LUZP2: variants seen among roughly 807,000 people sequenced by gnomAD.
LUZP2 encodes the protein leucine zipper protein 2.
Under a neutral mutation model 51.6 loss-of-function variants are expected in LUZP2, and 52 were observed. That is an observed-to-expected ratio of 1.01 (90% confidence interval 0.81 to 1.27). The LOEUF is 1.27. LUZP2 is among the 50% of genes most tolerant of loss of function. The probability of loss-of-function intolerance (pLI) is 0.00; values close to 1 mark genes in which losing one functional copy is unlikely to be tolerated. For missense variants in LUZP2, 436 were observed against 395.4 expected (o/e 1.10, Z -0.87); for synonymous variants, 154 against 137.3 (o/e 1.12, Z -0.85).
At chr11:24,979,836 A>G (rs551797481) in intron 8 of LUZP2, among the ~76,000 whole-genome samples, 63 of 151,854 alleles carry the variant, frequency 4.1e-4, no homozygotes, top group Admixed American at 7.9e-4. Context: ...CAGATGACAT[A>G]GGTAGGGTAA....
intron 4 of LUZP2, among the ~76,000 whole-genome samples, chr11:24,747,303 G>A (rs1249212201): frequency 6.6e-6 from 1 of 152,118 alleles, no homozygotes; most frequent in South Asian, 2.1e-4. Flanking sequence ...TAGCTGCAGT[G>A]ATTGTGATCT....
chr11:24,978,004 A>G (rs1298722717), intron 8 of LUZP2, among the ~76,000 whole-genome samples: 1 of 151,610 alleles, frequency 6.6e-6, no homozygotes. Context: ...TTGCAATTAT[A>G]AACTTATTTT....
chr11:25,077,863 T>C (rs1859359752), intron 11 of LUZP2, among the ~76,000 whole-genome samples: 1 of 152,146 alleles, frequency 6.6e-6, no homozygotes, highest in Non-Finnish European at 1.5e-5. Context: ...TTGCTAGTAC[T>C]ATATGTAAAG....
At chr11:24,509,010 C>T (rs1185516330) in intron 1 of LUZP2, among the ~76,000 whole-genome samples, 1 of 151,996 alleles carries the variant, frequency 6.6e-6, no homozygotes, top group Non-Finnish European at 1.5e-5. Flanking sequence ...GGAAGTAACT[C>T]AGAAACTAAG....
chr11:24,654,665 C>G (rs1050724361), intron 1 of LUZP2, among the ~76,000 whole-genome samples: 1 of 110,958 alleles, frequency 9.0e-6, no homozygotes, highest in Non-Finnish European at 1.7e-5. Context: ...GCTGGGATTA[C>G]AGGCGTGCAC....
intron 1 of LUZP2, among the ~76,000 whole-genome samples, chr11:24,593,047 T>C (rs1853313389): frequency 1.3e-5 from 2 of 151,800 alleles, no homozygotes; most frequent in South Asian, 4.1e-4. Flanking sequence ...CCATACACTA[T>C]ACCTGCAATA....
chr11:24,501,461 G>A (rs181960784), intron 1 of LUZP2, among the ~76,000 whole-genome samples: 7 of 152,276 alleles, frequency 4.6e-5, no homozygotes, highest in African/African-American at 9.6e-5. Context: ...TGAGGAATGC[G>A]TGGTTCTAAT....
intron 1 of LUZP2, among the ~76,000 whole-genome samples, chr11:24,707,677 G>A (rs1460758993): frequency 1.3e-5 from 2 of 152,138 alleles, no homozygotes; most frequent in East Asian, 1.9e-4. Context: ...CAAAAAAAGA[G>A]AGTGAATTTG....
At chr11:25,021,230 G>T (rs1287026619) in intron 9 of LUZP2, among the ~76,000 whole-genome samples, 1 of 151,768 alleles carries the variant, frequency 6.6e-6, no homozygotes, top group East Asian at 1.9e-4. Context: ...TGATGGGCAA[G>T]CATTCTCTCA....
intron 9 of LUZP2, among the ~76,000 whole-genome samples, chr11:24,996,523 T>C (rs977229519): frequency 6.6e-5 from 10 of 151,814 alleles, no homozygotes; most frequent in African/African-American, 2.2e-4. Flanking sequence ...GTGCAACTTC[T>C]AAGAATTCTC....
intron 1 of LUZP2, among the ~76,000 whole-genome samples, chr11:24,663,411 C>T (rs1172191583): frequency 2.0e-5 from 3 of 152,136 alleles, no homozygotes; most frequent in Admixed American, 2.0e-4. Context: ...ACCATGCTTC[C>T]TGTATAGCCT....
At chr11:24,535,903 TG>T (rs1035482329) in intron 1 of LUZP2, among the ~76,000 whole-genome samples, 9 of 151,680 alleles carry the variant, frequency 5.9e-5, no homozygotes, top group African/African-American at 1.7e-4. Flanking sequence ...TCTTATAAAA[TG>T]TTTTTTTTAA....
chr11:24,871,440 G>C (rs1230803451), intron 5 of LUZP2, among the ~76,000 whole-genome samples: 1 of 151,906 alleles, frequency 6.6e-6, no homozygotes, highest in Non-Finnish European at 1.5e-5. Flanking sequence ...ATATTTACCT[G>C]ATTCCAGAAA....
intron 1 of LUZP2, among the ~76,000 whole-genome samples, chr11:24,648,914 C>A (rs1334735590): frequency 6.6e-6 from 1 of 151,884 alleles, no homozygotes; most frequent in South Asian, 2.1e-4. Flanking sequence ...TCTTTAATGA[C>A]CCCTCTAAAT....
intron 1 of LUZP2, among the ~76,000 whole-genome samples, chr11:24,658,046 A>G (rs1377623865): frequency 6.6e-6 from 1 of 152,210 alleles, no homozygotes; most frequent in Non-Finnish European, 1.5e-5. Flanking sequence ...GCTACAAATG[A>G]CTTTCTTCAC....
chr11:24,649,986 C>G (rs199759849), intron 1 of LUZP2, among the ~76,000 whole-genome samples: 5,399 of 151,520 alleles, frequency 0.036, 116 homozygotes, highest in South Asian at 0.073. Context: ...GACACACACA[C>G]ACACACACAC....
rs150869625 is a variant in LUZP2, at chr11:24,822,410, G to A, written c.396+59102G>A. ...TGTTTTGTATATATCCTTTTGTGAC[G>A]TATTCTCATCACTAGTGTGTGGGTG... On this transcript the variant is annotated intron_variant, in intron 5 of 11. Transcript: ENST00000336930. 8.4e-3 allele frequency among the ~76,000 whole-genome samples: 1,273 copies of A among 152,134 alleles called. 10 individuals are homozygous for A. Among genetic ancestry groups the A allele is most frequent in the Non-Finnish European group, 0.011 (750 of 67,968 alleles).
intron 5 of LUZP2, among the ~76,000 whole-genome samples, chr11:24,832,799 T>C (rs891639348): frequency 1.3e-5 from 2 of 152,094 alleles, no homozygotes; most frequent in Admixed American, 6.6e-5. Context: ...GAAGACAACA[T>C]TTAATGAAAT....
intron 10 of LUZP2, among the ~76,000 whole-genome samples, chr11:25,069,268 G>A (rs1235297814): frequency 6.6e-6 from 1 of 151,884 alleles, no homozygotes; most frequent in African/African-American, 2.4e-5. Context: ...TGCCTCAGTT[G>A]CAACAGCAAT....
Sources: gnomAD v4.1 joint callset for allele counts (sites outside exome capture counted in the v4.1 genomes callset) on GRCh38, gnomAD v4.1.1 for gene constraint, MANE v1.5 for transcripts, NCBI Gene and HGNC (gene_info 2026-07-23, HGNC 2026-07-21) for gene names.